DPYSL3: variants seen among roughly 807,000 people sequenced by gnomAD.
DPYSL3 encodes the protein dihydropyrimidinase-related protein 3.
In DPYSL3, 16 loss-of-function variants were observed where a neutral mutation model predicts 66.1. That is an observed-to-expected ratio of 0.24 (90% CI 0.16 to 0.37). The LOEUF is 0.37. Among genes scored for constraint, DPYSL3 ranks in the 10% least tolerant of loss-of-function variants. DPYSL3 has a pLI of 1.00. For synonymous variants in DPYSL3, 338 were observed against 345.1 expected (o/e 0.98, Z 0.23); for missense variants, 738 against 916.2 (o/e 0.81, Z 2.51).
At chr5:147,430,382 C>T (rs1026231987) in intron 1 of DPYSL3, among the ~76,000 whole-genome samples, 7 of 151,544 alleles carry the variant, frequency 4.6e-5, no homozygotes, top group Admixed American at 3.3e-4. Context: ...TCATGGCAGG[C>T]GTCTGTAATC....
At chr5:147,453,536 C>T in intron 1 of DPYSL3, 1 of 1,529,676 alleles carries the variant, frequency 6.5e-7, no homozygotes, top group Non-Finnish European at 8.8e-7. Flanking sequence ...GGAGCAGCGG[C>T]GCCCGGACTC....
In DPYSL3 at chr5:147,432,538, C is replaced by G. The variant is rs568841445; in HGVS notation, c.382-7575G>C. On this transcript the variant is annotated intron_variant, in intron 1 of 13. Coordinates refer to ENST00000343218, the MANE Select transcript of DPYSL3 (RefSeq NM_001197294.2). ...CCTAATCCTAGCTCCCGATAATGGT[C>G]TGTTAATCTTCAACAGCGTTCCAGA... Among the ~76,000 whole-genome samples the G allele has an allele frequency of 4.6e-5, 7 of 152,312 alleles. No individual in the cohort carries two copies. In the East Asian group the frequency reaches 1.2e-3, roughly 25 times the overall value.
intron 1 of DPYSL3, among the ~76,000 whole-genome samples, chr5:147,449,092 C>T (rs1246971687): frequency 6.6e-6 from 1 of 152,114 alleles, no homozygotes; most frequent in Non-Finnish European, 1.5e-5. Flanking sequence ...TCCTCTAATT[C>T]TTAAATGACA....
chr5:147,415,882 CA>C lies in DPYSL3; in HGVS notation c.656-10del. On this transcript the variant is annotated splice_polypyrimidine_tract_variant and intron_variant, in intron 3 of 13. Transcript: ENST00000343218. Reference sequence around the variant, plus strand: ...AGGCACCACATGGTCAACTGAATGACAGAGACCCCAGATGAGTCACTCTCAG... The same window carrying C: ...AGGCACCACATGGTCAACTGAATGACGAGACCCCAGATGAGTCACTCTCAG... 6.2e-7 allele frequency: 1 copy of C among 1,612,392 alleles called. No individual in the cohort carries two copies. The highest frequency in any genetic ancestry group is 8.5e-7 in the Non-Finnish European group (1 of 1,179,254).
Position 147,418,539 on chromosome 5 carries a change from G to C in DPYSL3, c.563C>G (p.Thr188Ser). 1 of 1,613,468 alleles carries C rather than the reference G, an allele frequency of 6.2e-7. No homozygotes were observed. The highest frequency in any genetic ancestry group is 8.5e-7 in the Non-Finnish European group (1 of 1,179,704). Reference sequence around the variant, plus strand: ...TCCCTTATATGGCATCTGGAAGTGAGTATGGACATCGATGCCTCCAGGGAT... The same window carrying C: ...TCCCTTATATGGCATCTGGAAGTGACTATGGACATCGATGCCTCCAGGGAT... The part of the protein sequence containing the change: ...MVIPGGIDVH[T>S]HFQMPYKGMT... The change falls in exon 3 of 14, where the codon ACT becomes AGT. Residue 188 changes from threonine (T) to serine (S), a missense_variant. Thr to Ser is a moderately conservative substitution (Grantham distance 58). Transcript: ENST00000343218.
chr5:147,407,128 A>G lies in DPYSL3; in HGVS notation c.1033-1398T>C, dbSNP rs116606178. 8.4e-3 allele frequency among the ~76,000 whole-genome samples: 1,285 copies of G among 152,100 alleles called. 17 individuals carry two copies. The highest frequency in any genetic ancestry group is 0.03 in the African/African-American group (1,226 of 41,500). ...TGAACAGGGGCTGGCTCCTCCTATGATCACTCCTCCCACTTCACACCCATG... is the reference window on the plus strand; with the variant it reads ...TGAACAGGGGCTGGCTCCTCCTATGGTCACTCCTCCCACTTCACACCCATG... On this transcript the variant is annotated intron_variant, in intron 7 of 13. Coordinates refer to ENST00000343218, the MANE Select transcript of DPYSL3 (RefSeq NM_001197294.2).
At chr5:147,454,458 C>T (rs1581203863) in intron 1 of DPYSL3, among the ~76,000 whole-genome samples, 1 of 152,322 alleles carries the variant, frequency 6.6e-6, no homozygotes, top group South Asian at 2.1e-4. Context: ...GCAAGGGGCA[C>T]GGTAGCAGTG....
At chr5:147,433,809 G>A (rs867008679) in intron 1 of DPYSL3, among the ~76,000 whole-genome samples, 3 of 152,088 alleles carry the variant, frequency 2.0e-5, no homozygotes, top group Non-Finnish European at 2.9e-5. Flanking sequence ...CAAGGCGGGC[G>A]GATCACGAGG....
At chr5:147,494,065 C>T (rs1037769628) in intron 1 of DPYSL3, among the ~76,000 whole-genome samples, 6 of 151,906 alleles carry the variant, frequency 3.9e-5, no homozygotes, top group East Asian at 3.9e-4. Flanking sequence ...TGGTGGCAGG[C>T]GCCTGTAATC....
chr5:147,433,959 G>T (rs1752365042), intron 1 of DPYSL3, among the ~76,000 whole-genome samples: 1 of 151,160 alleles, frequency 6.6e-6, no homozygotes, highest in Non-Finnish European at 1.5e-5. Context: ...GAACCAGGGA[G>T]TCAGAGGTTG....
chr5:147,468,217 C>T (rs1433807393), intron 1 of DPYSL3, among the ~76,000 whole-genome samples: 1 of 152,024 alleles, frequency 6.6e-6, no homozygotes, highest in African/African-American at 2.4e-5. Context: ...TTTTTAACAC[C>T]CACATATCTT....
intron 1 of DPYSL3, among the ~76,000 whole-genome samples, chr5:147,438,878 T>C (rs1275531988): frequency 6.6e-6 from 1 of 152,250 alleles, no homozygotes; most frequent in Non-Finnish European, 1.5e-5. Context: ...GTGTTATCAC[T>C]CTTCCCCTGT....
In DPYSL3 at chr5:147,509,570, C is replaced by A; in HGVS notation, c.289G>T (p.Glu97Ter). The change falls in exon 1 of 14, where the codon GAG (glutamate) becomes TAG (stop). Residue 97 changes from glutamate (E) to a stop codon, truncating the protein, a stop_gained. Coordinates refer to ENST00000343218, the MANE Select transcript of DPYSL3 (RefSeq NM_001197294.2). LOFTEE classifies it high-confidence loss of function. The surrounding 1 kb of genome is among the most constrained non-coding windows in gnomAD (Gnocchi z 5.3). ...RRGQGREESR[E>*]PAPASPAPAG... ...GGGGCGGGGGAGGCGGGCGCGGGCT[C>A]CCTGCTCTCTTCCCGGCCTTGGCCC... 1 of 1,535,304 alleles carries A rather than the reference C, an allele frequency of 6.5e-7. No individual in the cohort carries two copies. The highest frequency in any genetic ancestry group is 1.2e-5 in the South Asian group (1 of 83,988).
At chr5:147,450,074 A>AGT (rs771031673) in intron 1 of DPYSL3, among the ~76,000 whole-genome samples, 1 of 152,142 alleles carries the variant, frequency 6.6e-6, no homozygotes, top group Non-Finnish European at 1.5e-5. Context: ...CACCAAAAAG[A>AGT]GTGTGATGGT....
At chr5:147,437,217 A>G (rs1174589599) in intron 1 of DPYSL3, among the ~76,000 whole-genome samples, 14 of 152,194 alleles carry the variant, frequency 9.2e-5, no homozygotes, top group Admixed American at 9.2e-4. Context: ...TGGCTTTGAC[A>G]GGGCCTTTAC....
intron 1 of DPYSL3, among the ~76,000 whole-genome samples, chr5:147,500,990 C>T (rs188505575): frequency 6.8e-4 from 103 of 152,186 alleles, no homozygotes; most frequent in Admixed American, 1.0e-3. Flanking sequence ...GAACTGAAGA[C>T]TTATGTTCAT....
intron 1 of DPYSL3, among the ~76,000 whole-genome samples, chr5:147,428,283 C>T (rs1752236588): frequency 6.6e-6 from 1 of 152,110 alleles, no homozygotes; most frequent in Admixed American, 6.5e-5. Flanking sequence ...TTGTTTTCAC[C>T]ATGCAGAGCA....
chr5:147,401,136 T>A (rs1295917675), intron 9 of DPYSL3, among the ~76,000 whole-genome samples: 2 of 152,230 alleles, frequency 1.3e-5, no homozygotes, highest in Non-Finnish European at 2.9e-5. Context: ...GGAGTCTCCC[T>A]ATAATTTTGA....
At chr5:147,396,619 T>C (rs1036214471) in intron 12 of DPYSL3, among the ~76,000 whole-genome samples, 4 of 152,170 alleles carry the variant, frequency 2.6e-5, no homozygotes, top group Non-Finnish European at 4.4e-5. Context: ...AATGTGCAGA[T>C]GCTAATGATT....
Sources: gnomAD v4.1 joint callset for allele counts (sites outside exome capture counted in the v4.1 genomes callset) on GRCh38, gnomAD v4.1.1 for gene constraint, Gnocchi (gnomAD v3.1) non-coding constraint, MANE v1.5 for transcripts, NCBI Gene and HGNC (gene_info 2026-07-23, HGNC 2026-07-21) for gene names.